The following CAMKK2 variants were observed in gnomAD, a reference collection of about 807,000 sequenced individuals.
The protein encoded by CAMKK2 is calcium/calmodulin-dependent protein kinase kinase 2.
A neutral mutation model predicts 67.2 loss-of-function variants in CAMKK2; 30 were observed. The observed-to-expected ratio is 0.45, with a 90% CI of 0.33 to 0.61. CAMKK2 has a LOEUF of 0.61. CAMKK2 is among the 20% of genes least tolerant of loss of function. The probability of loss-of-function intolerance (pLI) is 0.02; values close to 1 mark genes in which losing one functional copy is unlikely to be tolerated. For synonymous variants in CAMKK2, 322 were observed against 326.2 expected (o/e 0.99, Z 0.14); for missense variants, 643 against 802.0 (o/e 0.80, Z 2.39).
At chr12:121,288,143 C>A (rs1187933698) in intron 1 of CAMKK2, among the ~76,000 whole-genome samples, 2 of 152,148 alleles carry the variant, frequency 1.3e-5, no homozygotes, top group Non-Finnish European at 2.9e-5. Context: ...CCTTCCTCTT[C>A]CCCCACTGCA....
rs772718297 is a variant in CAMKK2, at chr12:121,240,911, T to C, written c.1597-42A>G. 1.9e-6 allele frequency: 3 copies of C among 1,602,062 alleles called. No individual in the cohort carries two copies. The African/African-American group carries it at 4.0e-5, about 21-fold the overall frequency. ...AAACCAACATTAAGACTCTGAGAAATGCCAGCGAGGCCCTGAGCCAGCTGC... is the reference window on the plus strand; with the variant it reads ...AAACCAACATTAAGACTCTGAGAAACGCCAGCGAGGCCCTGAGCCAGCTGC... On this transcript the variant is annotated intron_variant, in intron 16 of 16. Coordinates refer to ENST00000404169, the MANE Select transcript of CAMKK2 (RefSeq NM_001270485.2). This position sits in a 1 kb window ranked among gnomAD's most constrained non-coding sequence, Gnocchi z 4.4.
At position 121,250,747 on chromosome 12, in the gene CAMKK2, G is replaced by A. The variant is rs142122641; in HGVS notation, c.1162-713C>T. Among the ~76,000 whole-genome samples the A allele has an allele frequency of 1.2e-4, 19 of 152,250 alleles. No individual in the cohort carries two copies. The East Asian group carries it at 2.1e-3, about 17-fold the overall frequency. ...GATTTCTGGCTGTCTTGCTCACTGC[G>A]GACTCTCCGTGCCTAGGAGCGTTCC... On this transcript the variant is annotated intron_variant, in intron 11 of 16. Coordinates refer to ENST00000404169, the MANE Select transcript of CAMKK2 (RefSeq NM_001270485.2).
chr12:121,270,768 G>T, intron 3 of CAMKK2, 130 bp downstream of exon 3: 1 of 668,100 alleles, frequency 1.5e-6, no homozygotes, highest in South Asian at 2.0e-5. Flanking sequence ...GATCATTAAT[G>T]ACAAAACCCT....
rs1348560925 is a variant in CAMKK2, at chr12:121,252,585, T to C, written c.1161+76A>G. Reference sequence around the variant, plus strand: ...AAATAACTCTTAAATAAGTAAGTACTGTCTCCCCGCAAGGGTGACTATTAA... The same window carrying C: ...AAATAACTCTTAAATAAGTAAGTACCGTCTCCCCGCAAGGGTGACTATTAA... On this transcript the variant is annotated intron_variant, in intron 11 of 16. Transcript: ENST00000404169. 2.2e-6 allele frequency: 3 copies of C among 1,361,810 alleles called. No individual in the cohort carries two copies. The Admixed American group carries it at 5.1e-5, about 23-fold the overall frequency. 84.4% of individuals were successfully genotyped at this position (1,361,810 alleles called of 1,614,324 possible). A position where few individuals can be genotyped will look rare whatever the true frequency, so the allele number is the denominator to read the frequency against.
intron 8 of CAMKK2, 39 bp from the exon 9 acceptor site, chr12:121,255,677 C>G (rs200122511): frequency 6.2e-7 from 1 of 1,609,100 alleles, no homozygotes; most frequent in Non-Finnish European, 8.5e-7. Context: ...AAAGCAGACC[C>G]GCCAGCCCTT....
chr12:121,253,646 T>C lies in CAMKK2; in HGVS notation c.908-174A>G, dbSNP rs1891256348. 6.6e-6 allele frequency among the ~76,000 whole-genome samples: 1 copy of C among 152,092 alleles called. No individual in the cohort carries two copies. The highest frequency in any genetic ancestry group is 2.4e-5 in the African/African-American group (1 of 41,400). On this transcript the variant is annotated intron_variant, in intron 9 of 16. Coordinates refer to ENST00000404169, the MANE Select transcript of CAMKK2 (RefSeq NM_001270485.2). This position sits in a 1 kb window ranked among gnomAD's most constrained non-coding sequence, Gnocchi z 5.0. ...CCAAACCCGCTGGGCACTGACATGC[T>C]CTAAAAGATGAGGGGAAAAGTGTCT... is the stretch of plus-strand genomic sequence containing the variant.
chr12:121,297,775 C>G (rs758369622), upstream of CAMKK2: 9 of 480,524 alleles, frequency 1.9e-5, no homozygotes, highest in South Asian at 9.0e-5. Context: ...ATTTCCAGCC[C>G]GTTCCGATGT....
At chr12:121,274,632 A>T (rs1896467572) in intron 1 of CAMKK2, 47 bp from the exon 2 acceptor site, 1 of 732,512 alleles carries the variant, frequency 1.4e-6, no homozygotes, top group African/African-American at 1.8e-5. Context: ...ACGGGCAGGG[A>T]CAGGAAAGGA....
At chr12:121,279,467 A>G (rs1012992557) in intron 1 of CAMKK2, among the ~76,000 whole-genome samples, 4 of 152,226 alleles carry the variant, frequency 2.6e-5, no homozygotes, top group Non-Finnish European at 5.9e-5. Flanking sequence ...AGAAGAAATC[A>G]TGCAAAAAGA....
At chr12:121,264,512 T>C (rs987976842) in intron 5 of CAMKK2, among the ~76,000 whole-genome samples, 3 of 152,084 alleles carry the variant, frequency 2.0e-5, no homozygotes, top group Admixed American at 1.3e-4. Context: ...CAGTGCCTCA[T>C]GCCTGTAATC....
chr12:121,259,667 T>C (rs990651796), intron 7 of CAMKK2, among the ~76,000 whole-genome samples: 2 of 149,310 alleles, frequency 1.3e-5, no homozygotes, highest in African/African-American at 5.2e-5. Flanking sequence ...CAGTTTTTAA[T>C]TTTTTAGCCT....
intron 16 of CAMKK2, among the ~76,000 whole-genome samples, chr12:121,242,746 T>C (rs932281309): frequency 6.6e-6 from 1 of 151,410 alleles, no homozygotes; most frequent in Non-Finnish European, 1.5e-5. Context: ...TTTCTTTTTC[T>C]TTTCTTTTTT....
intron 1 of CAMKK2, among the ~76,000 whole-genome samples, chr12:121,276,259 G>C (rs1311181028): frequency 1.3e-5 from 2 of 151,778 alleles, no homozygotes; most frequent in African/African-American, 4.8e-5. Context: ...CCTGAGGTCA[G>C]GAGTTCAAGA....
At chr12:121,260,286 G>A in intron 7 of CAMKK2, 33 bp downstream of exon 7, 1 of 1,589,198 alleles carries the variant, frequency 6.3e-7, no homozygotes, top group Non-Finnish European at 8.6e-7. Flanking sequence ...GTGGTGCCTG[G>A]GTGAGGGTGG....
chr12:121,273,595 C>A (rs908649328), intron 2 of CAMKK2, among the ~76,000 whole-genome samples: 17 of 152,080 alleles, frequency 1.1e-4, no homozygotes, highest in African/African-American at 4.1e-4. Context: ...TCCATCACAC[C>A]TTCGCCCACA....
At chr12:121,247,515 C>T (rs947197274) in intron 14 of CAMKK2, among the ~76,000 whole-genome samples, 1 of 152,234 alleles carries the variant, frequency 6.6e-6, no homozygotes, top group Non-Finnish European at 1.5e-5. Flanking sequence ...AACACAGTAA[C>T]CCACGGTGGG....
rs1357126774 is a variant in CAMKK2, at chr12:121,296,126, A to G, written c.-60+512T>C. ...ACAGCCAAAGGTCCCCTAGGTCCCC[A>G]CAACTGCTGGCCTAGGGTCCTGCCA... On this transcript the variant is annotated intron_variant, in intron 1 of 16. Coordinates refer to ENST00000404169, the MANE Select transcript of CAMKK2 (RefSeq NM_001270485.2). This position sits in a 1 kb window ranked among gnomAD's most constrained non-coding sequence, Gnocchi z 7.1. Among the ~76,000 whole-genome samples, 1 of 152,150 alleles carries G rather than the reference A, an allele frequency of 6.6e-6. No individual in the cohort carries two copies. The highest frequency in any genetic ancestry group is 1.5e-5 in the Non-Finnish European group (1 of 68,012).
At chr12:121,283,358 A>C (rs932324686) in intron 1 of CAMKK2, among the ~76,000 whole-genome samples, 1 of 152,184 alleles carries the variant, frequency 6.6e-6, no homozygotes, top group Admixed American at 6.6e-5. Context: ...GGGGCCACTG[A>C]AACAACTGAG....
chr12:121,256,168 C>G (rs550283579), intron 7 of CAMKK2, among the ~76,000 whole-genome samples: 9 of 152,220 alleles, frequency 5.9e-5, no homozygotes, highest in Admixed American at 2.6e-4. Context: ...CACCTGAGGT[C>G]AAGAGCTCGA....
Sources: allele counts gnomAD v4.1 joint callset (sites outside exome capture counted in the v4.1 genomes callset), GRCh38; gene constraint gnomAD v4.1.1; non-coding constraint Gnocchi (gnomAD v3.1); transcripts MANE v1.5; gene names NCBI Gene and HGNC (gene_info 2026-07-23, HGNC 2026-07-21).